PLEKHA4: variants seen among roughly 807,000 people sequenced by gnomAD.
The protein encoded by PLEKHA4 is pleckstrin homology domain containing A4.
Under a neutral mutation model 94.7 loss-of-function variants are expected in PLEKHA4, and 73 were observed. The ratio of observed to expected loss-of-function variants is 0.77; its 90% CI spans 0.64 to 0.94. The LOEUF is 0.94. Among genes scored for constraint, PLEKHA4 ranks in the 40% least tolerant of loss-of-function variants. The pLI is 0.00. For synonymous variants in PLEKHA4, 449 were observed against 437.1 expected, an observed-to-expected ratio of 1.03 and a Z score of -0.34; for missense variants, 1,049 against 1,054.1, an observed-to-expected ratio of 1.00 and a Z score of 0.07.
At chr19:48,857,887 C>T (rs920639475) in intron 8 of PLEKHA4, among the ~76,000 whole-genome samples, 64 of 148,840 alleles carry the variant, frequency 4.3e-4, no homozygotes, top group Non-Finnish European at 8.6e-4. Flanking sequence ...TCCCCCTCTG[C>T]GAGAAACACC....
chr19:48,852,327 C>T lies in PLEKHA4; in HGVS notation c.1327-1G>A. 1.2e-6 allele frequency: 2 copies of T among 1,613,330 alleles called. No homozygotes were observed. The highest frequency in any genetic ancestry group is 1.7e-6 in the Non-Finnish European group (2 of 1,179,322). The stretch of plus-strand genomic sequence containing the variant: ...ACGTGTCCCAAACCCTCTCTCGCTC[C>T]TCAGGTTGCATAAAGGGGGAGACAT... On this transcript the variant is annotated splice_acceptor_variant, in intron 12 of 19. Transcript: ENST00000263265. LOFTEE classifies it high-confidence loss of function.
chr19:48,841,901 G>A (rs74704001), intron 16 of PLEKHA4, among the ~76,000 whole-genome samples: 138 of 152,238 alleles, frequency 9.1e-4, no homozygotes, highest in African/African-American at 3.0e-3. Context: ...AGCTATGATC[G>A]TGCCACTGCA....
Position 48,837,769 on chromosome 19 carries a change from C to A in PLEKHA4, c.2078-218G>T, listed in dbSNP as rs2035592877. Among the ~76,000 whole-genome samples, 1 of 151,560 alleles carries A rather than the reference C, an allele frequency of 6.6e-6. No homozygotes were observed. Among genetic ancestry groups the A allele is most frequent in the Non-Finnish European group, 1.5e-5 (1 of 67,882 alleles). ...AGGAGTCTGGATACGCCAGTCCAGT[C>A]CTCTTTGAGACTCAGTTGTCGGCCC... is the stretch of plus-strand genomic sequence containing the variant. On this transcript the variant is annotated intron_variant, in intron 19 of 19. Coordinates refer to ENST00000263265, the MANE Select transcript of PLEKHA4 (RefSeq NM_020904.3). The surrounding 1 kb of genome is among the most constrained non-coding windows in gnomAD (Gnocchi z 4.3).
intron 16 of PLEKHA4, among the ~76,000 whole-genome samples, chr19:48,844,123 TTA>T (rs2035870573): frequency 1.0e-3 from 17 of 16,810 alleles, no homozygotes; most frequent in African/African-American, 2.6e-3. Flanking sequence ...ATTTATTTTA[TTA>T]TTATTATTAT....
chr19:48,853,541 A>C, intron 12 of PLEKHA4, 141 bp downstream of exon 12: 1 of 867,428 alleles, frequency 1.2e-6, no homozygotes, highest in Non-Finnish European at 1.6e-6. Flanking sequence ...GACAATGAGG[A>C]GAGAGAAAAA....
intron 10 of PLEKHA4, 60 bp downstream of exon 10, chr19:48,854,157 C>T: frequency 6.2e-7 from 1 of 1,612,794 alleles, no homozygotes; most frequent in Non-Finnish European, 8.5e-7. Context: ...CTCCCATCAT[C>T]TAGAACATTC....
chr19:48,864,208 A>C, intron 3 of PLEKHA4, among the ~76,000 whole-genome samples: 1 of 149,008 alleles, frequency 6.7e-6, no homozygotes, highest in South Asian at 2.1e-4. Context: ...TCACTCCATC[A>C]TCCAGGCTGG....
At chr19:48,851,591 G>A (rs755861402) in intron 13 of PLEKHA4, among the ~76,000 whole-genome samples, 3 of 151,814 alleles carry the variant, frequency 2.0e-5, no homozygotes, top group Non-Finnish European at 2.9e-5. Flanking sequence ...ACTCCAGCCC[G>A]GGCAACAAGA....
chr19:48,862,930 C>T (rs2036699752), intron 3 of PLEKHA4, among the ~76,000 whole-genome samples: 1 of 152,166 alleles, frequency 6.6e-6, no homozygotes, highest in Non-Finnish European at 1.5e-5. Context: ...AGACATGGAC[C>T]ACATATGGGC....
At chr19:48,865,757 G>A (rs192271488) in intron 2 of PLEKHA4, 147 bp from the exon 3 acceptor site, 112 of 585,278 alleles carry the variant, frequency 1.9e-4, no homozygotes, top group Middle Eastern at 8.3e-4. Flanking sequence ...GCTCACACCT[G>A]TAATCCCAGC....
intron 5 of PLEKHA4, 43 bp from the exon 6 acceptor site, chr19:48,860,502 T>C: frequency 6.7e-7 from 1 of 1,498,480 alleles, no homozygotes; most frequent in Middle Eastern, 1.8e-4. Flanking sequence ...CCGGGCCTTG[T>C]AAAAAGGAGG....
intron 18 of PLEKHA4, among the ~76,000 whole-genome samples, chr19:48,838,527 G>T (rs2035631022): frequency 6.6e-6 from 1 of 150,730 alleles, no homozygotes. Context: ...ACCTTGGGAG[G>T]CCGAGGCGGG....
At chr19:48,865,451 G>A in intron 3 of PLEKHA4, 52 bp downstream of exon 3, 3 of 1,413,022 alleles carry the variant, frequency 2.1e-6, no homozygotes, top group Middle Eastern at 1.8e-4. Flanking sequence ...AGAGACAGAG[G>A]ACAGCCGGGG....
rs539062079 is a variant in PLEKHA4 at position 48,864,180 on chromosome 19, T to G, written c.192+1323A>C. Among the ~76,000 whole-genome samples the G allele has an allele frequency of 5.9e-5, 9 of 151,826 alleles. 1 individual carries two copies. The East Asian group carries it at 1.5e-3, about 26-fold the overall frequency. ...GCGATCTGCCTCCAGGTCTTTTTTT[T>G]TTTTTTGACATGGAGTCTCACTCCA... On this transcript the variant is annotated intron_variant, in intron 3 of 19. Coordinates refer to ENST00000263265, the MANE Select transcript of PLEKHA4 (RefSeq NM_020904.3).
intron 9 of PLEKHA4, among the ~76,000 whole-genome samples, chr19:48,854,669 G>T (rs918778677): frequency 6.7e-6 from 1 of 148,898 alleles, no homozygotes; most frequent in Admixed American, 6.7e-5. Context: ...TGGGATTATA[G>T]GCATGCACCA....
chr19:48,854,066 C>A lies in PLEKHA4; in HGVS notation c.1117G>T (p.Gly373Trp). 1 of 1,614,164 alleles carries A rather than the reference C, an allele frequency of 6.2e-7. No homozygotes were observed. The highest frequency in any genetic ancestry group is 1.1e-5 in the South Asian group (1 of 91,088). ...ETDTLLTKLC[G>W]QDRLLRRLQE... is the part of the protein sequence containing the mutation. Reference sequence around the variant, plus strand: ...AGCCTCCGCAGAAGCCGGTCCTGCCCGCACAACTTGGTCAGCAGCGTCTGG... The same window carrying A: ...AGCCTCCGCAGAAGCCGGTCCTGCCAGCACAACTTGGTCAGCAGCGTCTGG... The change falls in exon 11 of 20, where the codon GGG (glycine) becomes TGG (tryptophan). Residue 373 changes from glycine to tryptophan, a missense_variant. Coordinates refer to ENST00000263265, the MANE Select transcript of PLEKHA4 (RefSeq NM_020904.3).
At chr19:48,856,790 T>G (rs1303348112) in intron 9 of PLEKHA4, among the ~76,000 whole-genome samples, 2 of 147,948 alleles carry the variant, frequency 1.4e-5, no homozygotes, top group Admixed American at 1.4e-4. Flanking sequence ...TCCCAGCTAT[T>G]CAGGAGGCTG....
chr19:48,844,711 C>G, intron 16 of PLEKHA4: 1 of 908,140 alleles, frequency 1.1e-6, no homozygotes, highest in Non-Finnish European at 1.3e-6. Context: ...AGCTTAAAGT[C>G]AACCAATTCC....
At position 48,858,870 on chromosome 19, in the gene PLEKHA4, G is replaced by A. The variant is rs754533900; in HGVS notation, c.962C>T (p.Pro321Leu). 3 of 1,613,026 alleles carry A rather than the reference G, an allele frequency of 1.9e-6. No individual in the cohort carries two copies. Among genetic ancestry groups the A allele is most frequent in the Non-Finnish European group, 2.5e-6 (3 of 1,179,668 alleles). ...PRSPQHWSQE[P>L]RTQAHSGSPT... ...CACCTCTCTGCTCACCTGTGTTCTG[G>A]GCTCCTGACTCCAGTGCTGGGGACT... Residue 321 changes from proline (P) to leucine (L), a missense_variant, in exon 8 of 20, where the codon CCC (proline) becomes CTC (leucine). Pro to Leu is a moderately conservative substitution (Grantham distance 98). Transcript: ENST00000263265.
Sources: allele counts gnomAD v4.1 joint callset (sites outside exome capture counted in the v4.1 genomes callset), GRCh38; gene constraint gnomAD v4.1.1; non-coding constraint Gnocchi (gnomAD v3.1); transcripts MANE v1.5; gene names NCBI Gene and HGNC (gene_info 2026-07-23, HGNC 2026-07-21).